The following ZFP64 variants were observed in gnomAD, a reference collection of about 807,000 sequenced individuals.
ZFP64 encodes the protein zinc finger protein 64.
Under a neutral mutation model 51.6 loss-of-function variants are expected in ZFP64, and 14 were observed. The observed-to-expected ratio is 0.27, with a 90% CI of 0.18 to 0.42. The LOEUF is 0.42. ZFP64 is among the 10% of genes least tolerant of loss of function. The pLI, the probability that ZFP64 is intolerant of heterozygous loss-of-function variation, is 1.00. For synonymous variants in ZFP64, 375 were observed against 361.4 expected, an observed-to-expected ratio of 1.04 and a Z score of -0.43; for missense variants, 754 against 906.8, an observed-to-expected ratio of 0.83 and a Z score of 2.16.
chr20:52,120,673 T>C (rs1979142471), intron 5 of ZFP64, among the ~76,000 whole-genome samples: 1 of 131,054 alleles, frequency 7.6e-6, no homozygotes, highest in Admixed American at 7.8e-5. Flanking sequence ...TGATCTTTTT[T>C]TTTTTTTTTT....
intron 5 of ZFP64, among the ~76,000 whole-genome samples, chr20:52,112,773 C>T (rs1978661916): frequency 6.6e-6 from 1 of 151,928 alleles, no homozygotes; most frequent in Non-Finnish European, 1.5e-5. Context: ...TGCCACCACA[C>T]CCAGGCTAAT....
intron 5 of ZFP64, among the ~76,000 whole-genome samples, chr20:52,104,392 G>A (rs778963715): frequency 3.3e-5 from 5 of 152,208 alleles, no homozygotes; most frequent in Non-Finnish European, 5.9e-5. Context: ...GCTACATCCT[G>A]TGTCCACGTG....
chr20:52,155,017 T>C (rs1417046190), intron 5 of ZFP64, among the ~76,000 whole-genome samples: 1 of 152,314 alleles, frequency 6.6e-6, no homozygotes, highest in East Asian at 1.9e-4. Context: ...TCTTAGATAA[T>C]GTTTTAAATG....
intron 7 of ZFP64, among the ~76,000 whole-genome samples, chr20:52,093,143 A>T (rs558571400): frequency 0.012 from 1,753 of 147,454 alleles, 13 homozygotes; most frequent in Middle Eastern, 0.066. Context: ...TAAAAAAAAA[A>T]TTTTTTTTTT....
chr20:52,144,344 C>A (rs1160480072), intron 5 of ZFP64, among the ~76,000 whole-genome samples: 1 of 140,864 alleles, frequency 7.1e-6, no homozygotes, highest in Non-Finnish European at 1.6e-5. Flanking sequence ...CTTTGGGAGG[C>A]CAAGGCGGGC....
intron 2 of ZFP64, among the ~76,000 whole-genome samples, chr20:52,166,451 C>T (rs1170262135): frequency 6.6e-6 from 1 of 151,370 alleles, no homozygotes; most frequent in East Asian, 1.9e-4. Context: ...CAAATCTATA[C>T]TTTTTTCTTT....
At chr20:52,094,364 A>G (rs755303395) in intron 7 of ZFP64, among the ~76,000 whole-genome samples, 7 of 152,260 alleles carry the variant, frequency 4.6e-5, no homozygotes, top group Non-Finnish European at 1.0e-4. Context: ...CAGCTACCTG[A>G]TACCAATGCC....
intron 5 of ZFP64, among the ~76,000 whole-genome samples, chr20:52,156,129 C>G (rs1173858815): frequency 6.6e-6 from 1 of 152,184 alleles, no homozygotes; most frequent in Non-Finnish European, 1.5e-5. Flanking sequence ...CTAACTTAGG[C>G]TGGGGGAAAT....
intron 5 of ZFP64, chr20:52,110,835 C>A: frequency 6.2e-7 from 1 of 1,604,142 alleles, no homozygotes; most frequent in Non-Finnish European, 8.5e-7. Flanking sequence ...CCATGTTCAG[C>A]TTGTCACCAT....
At chr20:52,088,979 T>C in intron 7 of ZFP64, 1 of 537,274 alleles carries the variant, frequency 1.9e-6, no homozygotes, top group South Asian at 1.4e-5. Flanking sequence ...ATGAACCACA[T>C]GGAGAATGGT....
Position 52,130,588 on chromosome 20 carries a change from C to T in ZFP64, c.763+29535G>A, listed in dbSNP as rs186311885. Among the ~76,000 whole-genome samples the T allele has an allele frequency of 5.9e-5, 9 of 152,198 alleles. No homozygotes were observed. The East Asian group carries it at 1.5e-3, about 26-fold the overall frequency. On this transcript the variant is annotated intron_variant, in intron 5 of 8. Coordinates refer to the ZFP64 transcript ENST00000361387. ...TAAGGTCACGATCATTTCCTTTTTG[C>T]TCATGGAAACTTCACATGTTTCCAG...
At chr20:52,129,271 T>C (rs1298358244) in intron 5 of ZFP64, among the ~76,000 whole-genome samples, 4 of 151,640 alleles carry the variant, frequency 2.6e-5, no homozygotes, top group Middle Eastern at 6.8e-3. Context: ...TTTTCTTTTT[T>C]TTTTTGTATT....
intron 2 of ZFP64, among the ~76,000 whole-genome samples, chr20:52,177,409 G>A (rs1983308318): frequency 6.6e-6 from 1 of 152,076 alleles, no homozygotes; most frequent in Non-Finnish European, 1.5e-5. Context: ...CCACTACAGT[G>A]CAACTGGGCA....
intron 5 of ZFP64, chr20:52,104,785 C>A: frequency 1.7e-6 from 1 of 578,798 alleles, no homozygotes. Flanking sequence ...GCAGCCGAAG[C>A]CCAGTGCCAA....
intron 2 of ZFP64, among the ~76,000 whole-genome samples, chr20:52,171,568 C>T (rs985038297): frequency 3.9e-5 from 6 of 151,970 alleles, no homozygotes; most frequent in Non-Finnish European, 7.4e-5. Context: ...TGGCTCACTG[C>T]AACCTCCGCC....
At chr20:52,102,635 G>GA in intron 5 of ZFP64, among the ~76,000 whole-genome samples, 1 of 152,244 alleles carries the variant, frequency 6.6e-6, no homozygotes. Context: ...AAGCAAGACT[G>GA]AAAACAAATC....
chr20:52,129,065 C>T (rs1461044118), intron 5 of ZFP64, among the ~76,000 whole-genome samples: 1 of 150,078 alleles, frequency 6.7e-6, no homozygotes, highest in Non-Finnish European at 1.5e-5. Flanking sequence ...AGGCGCGCAC[C>T]ACCACTCCTG....
chr20:52,164,786 A>C (rs746774927), intron 3 of ZFP64, 29 bp from the exon 4 acceptor site: 199 of 1,594,166 alleles, frequency 1.2e-4, no homozygotes, highest in Non-Finnish European at 1.6e-4. Flanking sequence ...GATTAATTAC[A>C]AAGGAAAACT....
chr20:52,138,964 T>G (rs1980118940), intron 5 of ZFP64, among the ~76,000 whole-genome samples: 1 of 152,014 alleles, frequency 6.6e-6, no homozygotes, highest in South Asian at 2.1e-4. Context: ...GAGAGAAATA[T>G]AAATCAAAAC....
Sources: gnomAD v4.1 joint callset for allele counts (sites outside exome capture counted in the v4.1 genomes callset) on GRCh38, gnomAD v4.1.1 for gene constraint, MANE v1.5 for transcripts, NCBI Gene and HGNC (gene_info 2026-07-23, HGNC 2026-07-21) for gene names.